The following GCSAM variants were observed in gnomAD, a reference collection of about 807,000 sequenced individuals.
GCSAM encodes germinal center-associated signaling and motility protein.
GCSAM carries 8 observed loss-of-function variants against 17.6 expected under a neutral mutation model. The ratio of observed to expected loss-of-function variants is 0.46; its 90% CI spans 0.27 to 0.82. GCSAM has a LOEUF of 0.82. GCSAM is among the 40% of genes least tolerant of loss of function. The probability of loss-of-function intolerance (pLI) is 0.15; values close to 1 mark genes in which losing one functional copy is unlikely to be tolerated. For synonymous variants in GCSAM, 68 were observed against 69.0 expected (o/e 0.98, Z 0.07); for missense variants, 192 against 213.5 (o/e 0.90, Z 0.63).
Position 112,130,438 on chromosome 3 carries a change from C to T in GCSAM, c.98+7G>A, listed in dbSNP as rs745394778. 4 of 1,613,052 alleles carry T rather than the reference C, an allele frequency of 2.5e-6. No homozygotes were observed. The highest frequency in any genetic ancestry group is 1.3e-5 in the African/African-American group (1 of 74,870). On this transcript the variant is annotated splice_region_variant and intron_variant, in intron 2 of 5. Coordinates refer to ENST00000308910, the MANE Select transcript of GCSAM (RefSeq NM_152785.5). Reference sequence around the variant, plus strand: ...TCTGGGGGGTGTTTGGTTGATTTTGCTCTCACCTGGATGTTCTCTGTTTGG... The same window carrying T: ...TCTGGGGGGTGTTTGGTTGATTTTGTTCTCACCTGGATGTTCTCTGTTTGG...
At chr3:112,125,371 C>T (rs2074293255) in intron 4 of GCSAM, 117 bp from the exon 5 acceptor site, 3 of 721,690 alleles carry the variant, frequency 4.2e-6, no homozygotes, top group Non-Finnish European at 7.4e-6. Context: ...GGTAGCTCTT[C>T]TCAGGCTATT....
Position 112,128,079 on chromosome 3 carries a change from G to A in GCSAM, c.99-18C>T. 1 of 1,611,230 alleles carries A rather than the reference G, an allele frequency of 6.2e-7. No homozygotes were observed. Among genetic ancestry groups the A allele is most frequent in the East Asian group, 2.2e-5 (1 of 44,814 alleles). Reference sequence around the variant, plus strand: ...CCCAGCATCTAAAATACCCAAGAGAGATGGCAAATCATAAGGTTGATTTCT... The same window carrying A: ...CCCAGCATCTAAAATACCCAAGAGAAATGGCAAATCATAAGGTTGATTTCT... On this transcript the variant is annotated intron_variant, in intron 2 of 5. Transcript: ENST00000308910.
intron 1 of GCSAM, 52 bp from the exon 2 acceptor site, chr3:112,130,565 C>G: frequency 6.7e-7 from 1 of 1,483,328 alleles, no homozygotes; most frequent in Non-Finnish European, 9.4e-7. Context: ...ACAGGCCTGT[C>G]ACTTCTTTTC....
chr3:112,128,306 T>C, intron 2 of GCSAM: 2 of 655,134 alleles, frequency 3.1e-6, no homozygotes. Flanking sequence ...GGAAAAATGT[T>C]TCCTCACTCT....
At chr3:112,132,153 A>G (rs2074470672) in intron 1 of GCSAM, among the ~76,000 whole-genome samples, 1 of 152,194 alleles carries the variant, frequency 6.6e-6, no homozygotes, top group South Asian at 2.1e-4. Flanking sequence ...GGGCTGTGAC[A>G]ACCCAGGGTA....
At chr3:112,127,740 G>A (rs1206386541) in intron 3 of GCSAM, among the ~76,000 whole-genome samples, 1 of 152,148 alleles carries the variant, frequency 6.6e-6, no homozygotes, top group African/African-American at 2.4e-5. Flanking sequence ...ACTCAGATTT[G>A]CAGTGTGAAA....
Position 112,123,464 on chromosome 3 carries a change from G to A in GCSAM, c.528C>T (p.Ser176=). Residue 176 remains serine (S), a synonymous_variant, in exon 6 of 6, where the codon TCC becomes TCT. Transcript: ENST00000308910. ...TAGTCCAGCCACTTCACTATAAATG[G>A]GAAAACTGAGTCTCAGAAGGGGCCA... is the stretch of plus-strand genomic sequence containing the variant. ...PLMAPSETQF[S]HL is the part of the protein sequence containing the mutation. 6 of 1,613,880 alleles carry A rather than the reference G, an allele frequency of 3.7e-6. No homozygotes were observed. Among genetic ancestry groups the A allele is most frequent in the African/African-American group, 1.3e-5 (1 of 75,024 alleles).
At chr3:112,132,620 A>G in intron 1 of GCSAM, 2 of 984,210 alleles carry the variant, frequency 2.0e-6, no homozygotes, top group Non-Finnish European at 2.4e-6. Flanking sequence ...TATTTAATCT[A>G]GATGACCTCT....
At chr3:112,127,917 G>T in intron 3 of GCSAM, 100 bp downstream of exon 3, 1 of 931,702 alleles carries the variant, frequency 1.1e-6, no homozygotes, top group Non-Finnish European at 1.8e-6. Flanking sequence ...CTACTGACAG[G>T]CTTCCACTGT....
chr3:112,126,574 TGC>T (rs2074324500), intron 4 of GCSAM, among the ~76,000 whole-genome samples: 1 of 152,156 alleles, frequency 6.6e-6, no homozygotes, highest in Non-Finnish European at 1.5e-5. Context: ...TAATCATACT[TGC>T]CCCCGCCTCC....
intron 5 of GCSAM, among the ~76,000 whole-genome samples, chr3:112,124,229 A>T (rs1221719899): frequency 6.6e-6 from 1 of 152,204 alleles, no homozygotes; most frequent in Non-Finnish European, 1.5e-5. Context: ...AGCTTTGCAT[A>T]TTCCTTTATA....
Position 112,123,342 on chromosome 3 carries a change from G to C in GCSAM, c.*113C>G, listed in dbSNP as rs2074235417. On this transcript the variant is annotated 3_prime_UTR_variant, in exon 6 of 6. Coordinates refer to ENST00000308910, the MANE Select transcript of GCSAM (RefSeq NM_152785.5). ...ACAAACCATGCTCTGCAGGGAAAGG[G>C]TTGTTGTGGGAGATAAGCTGGAGGG... The C allele has an allele frequency of 2.0e-6, 3 of 1,514,952 alleles. No individual in the cohort carries two copies. The highest frequency in any genetic ancestry group is 4.5e-5 in the Admixed American group (2 of 44,856). The allele number at this position is 1,514,952 out of a possible 1,614,324, so 93.8% of individuals were successfully genotyped here.
In GCSAM at chr3:112,127,019, A is replaced by T; in HGVS notation, c.158T>A (p.Ile53Asn). Residue 53 changes from isoleucine to asparagine, a missense_variant, in exon 4 of 6, where the codon ATT becomes AAT. Coordinates refer to ENST00000308910, the MANE Select transcript of GCSAM (RefSeq NM_152785.5). ...TTGGGAATCTTGCCTCTTTTCAAAAATGAGTATTTTTTTCCTGTAAAAGAA... is the reference window on the plus strand; with the variant it reads ...TTGGGAATCTTGCCTCTTTTCAAAATTGAGTATTTTTTTCCTGTAAAAGAA... ...CFCLPWKKIL[I>N]FEKRQDSQNE... The T allele has an allele frequency of 6.3e-7, 1 of 1,587,872 alleles. No homozygotes were observed. The highest frequency in any genetic ancestry group is 8.6e-7 in the Non-Finnish European group (1 of 1,159,126).
intron 1 of GCSAM, among the ~76,000 whole-genome samples, chr3:112,132,249 A>G (rs1176723266): frequency 6.6e-6 from 1 of 152,132 alleles, no homozygotes; most frequent in African/African-American, 2.4e-5. Flanking sequence ...AGTGGTCAAA[A>G]GTGGGCTACC....
chr3:112,126,657 C>T (rs562512784), intron 4 of GCSAM, among the ~76,000 whole-genome samples: 4 of 152,332 alleles, frequency 2.6e-5, no homozygotes, highest in African/African-American at 7.2e-5. Context: ...GGCCAGGAGG[C>T]CCCACCCCTC....
chr3:112,125,814 C>G (rs2074304929), intron 4 of GCSAM, among the ~76,000 whole-genome samples: 1 of 152,140 alleles, frequency 6.6e-6, no homozygotes, highest in Non-Finnish European at 1.5e-5. Context: ...CTAAATATTC[C>G]CATTCCTATA....
rs147202771 is a variant in GCSAM, at chr3:112,132,316, A to G, written c.29+776T>C. On this transcript the variant is annotated intron_variant, in intron 1 of 5. Coordinates refer to ENST00000308910, the MANE Select transcript of GCSAM (RefSeq NM_152785.5). ...TGAACTGAGACCAGGGATTCCAAAC[A>G]TAACCCTGTGAAGACCCCCTCTGGC... Among the ~76,000 whole-genome samples, 806 of 152,234 alleles carry G rather than the reference A, an allele frequency of 5.3e-3. 4 individuals carry two copies. The highest frequency in any genetic ancestry group is 0.019 in the African/African-American group (770 of 41,556).
At chr3:112,128,391 G>A (rs1458373474) in intron 2 of GCSAM, 5 of 447,498 alleles carry the variant, frequency 1.1e-5, no homozygotes, top group East Asian at 4.7e-5. Context: ...CAAGGTACAA[G>A]TGTATGGAAA....
At position 112,123,637 on chromosome 3, in the gene GCSAM, C is replaced by G. The variant is rs914169740; in HGVS notation, c.355G>C (p.Glu119Gln). 1 of 1,614,184 alleles carries G rather than the reference C, an allele frequency of 6.2e-7. No individual in the cohort carries two copies. Residue 119 changes from glutamate to glutamine, a missense_variant, in exon 6 of 6, where the codon GAG (glutamate) becomes CAG (glutamine). Transcript: ENST00000308910. ...NVPCKAERPR[E>Q]SLGGTETEYS... The stretch of plus-strand genomic sequence containing the variant: ...TCAGTCTCAGTTCCTCCCAAGGACT[C>G]TCTGGGTCTCTCAGCTTTGCAGGGA...
Sources: gnomAD v4.1 joint callset for allele counts (sites outside exome capture counted in the v4.1 genomes callset) on GRCh38, gnomAD v4.1.1 for gene constraint, MANE v1.5 for transcripts, NCBI Gene and HGNC (gene_info 2026-07-23, HGNC 2026-07-21) for gene names.